The following MYH13 variants were observed in gnomAD, a reference collection of about 807,000 sequenced individuals.
MYH13 encodes the protein myosin-13.
A neutral mutation model predicts 232.1 loss-of-function variants in MYH13; 177 were observed. The ratio of observed to expected loss-of-function variants is 0.76; its 90% CI spans 0.67 to 0.86. MYH13 has a LOEUF of 0.86. MYH13 is among the 40% of genes least tolerant of loss of function. MYH13 has a pLI of 0.00. For synonymous variants in MYH13, 884 were observed against 923.5 expected (o/e 0.96, Z 0.78); for missense variants, 2,246 against 2,405.9 (o/e 0.93, Z 1.39).
chr17:10,324,317 A>G (rs1907117901), intron 22 of MYH13, 53 bp from the exon 23 acceptor site: 4 of 1,603,842 alleles, frequency 2.5e-6, no homozygotes, highest in Non-Finnish European at 3.4e-6. Context: ...AAAATGCTAC[A>G]AAGAAAGGGT....
chr17:10,351,995 G>C (rs1311103053), intron 11 of MYH13, among the ~76,000 whole-genome samples: 1 of 152,130 alleles, frequency 6.6e-6, no homozygotes, highest in Non-Finnish European at 1.5e-5. Context: ...CAGGAGCTGG[G>C]ATATATGGGG....
At position 10,313,248 on chromosome 17, in the gene MYH13, G is replaced by C; in HGVS notation, c.4091C>G (p.Ala1364Gly). ...EQEAKAELQR[A>G]LSKANSEVAQ... ...AACCTCACTGTTGGCCTTGGACAGC[G>C]CCCTCTGCAGCTCGGCCTTGGCTTC... The change falls in exon 30 of 41, where the codon GCG (alanine) becomes GGG (glycine). Residue 1364 changes from alanine to glycine, a missense_variant. By Grantham distance (60) the Ala-to-Gly change is moderately conservative. Transcript: ENST00000252172. 6.2e-7 allele frequency: 1 copy of C among 1,614,208 alleles called. No homozygotes were observed. Among genetic ancestry groups the C allele is most frequent in the Non-Finnish European group, 8.5e-7 (1 of 1,180,046 alleles).
At chr17:10,346,130 G>A (rs2071665198) in intron 13 of MYH13, among the ~76,000 whole-genome samples, 1 of 151,750 alleles carries the variant, frequency 6.6e-6, no homozygotes, top group African/African-American at 2.4e-5. Flanking sequence ...CTTTCTTTGA[G>A]AACTATCCTA....
chr17:10,353,409 G>C (rs955535229), intron 11 of MYH13, among the ~76,000 whole-genome samples: 5 of 152,166 alleles, frequency 3.3e-5, no homozygotes, highest in African/African-American at 9.7e-5. Context: ...TAAGAAGCTG[G>C]TCATGGGGCA....
rs185744993 is a variant in MYH13 at position 10,326,329 on chromosome 17, A to G, written c.2691+1537T>C. 7.5e-3 allele frequency among the ~76,000 whole-genome samples: 1,140 copies of G among 152,352 alleles called. 10 individuals carry two copies. The highest frequency in any genetic ancestry group is 0.014 in the Non-Finnish European group (930 of 68,036). The stretch of plus-strand genomic sequence containing the variant: ...ACTCACTATAGTGATTGGGAAAGTG[A>G]AAAGGGGAGCGGAAAATGCTCTGTA... On this transcript the variant is annotated intron_variant, in intron 22 of 40. Transcript: ENST00000252172.
At chr17:10,327,742 T>TCCACATGA in intron 22 of MYH13, 124 bp downstream of exon 22, 1 of 1,238,836 alleles carries the variant, frequency 8.1e-7, no homozygotes, top group Non-Finnish European at 1.1e-6. Context: ...GCTGCAATAC[T>TCCACATGA]CCACATGACC....
intron 16 of MYH13, among the ~76,000 whole-genome samples, chr17:10,343,348 C>T: frequency 6.6e-6 from 1 of 152,046 alleles, no homozygotes; most frequent in East Asian, 1.9e-4. Context: ...CAGGTATGTG[C>T]CACCACACTC....
At chr17:10,309,176 C>G in intron 35 of MYH13, 58 bp downstream of exon 35, 7 of 1,545,110 alleles carry the variant, frequency 4.5e-6, no homozygotes, top group Non-Finnish European at 6.1e-6. Flanking sequence ...CTGCACGGTG[C>G]AGGAGGCGCT....
chr17:10,344,249 T>C lies in MYH13; in HGVS notation c.1585-140A>G, dbSNP rs1237490374. The stretch of plus-strand genomic sequence containing the variant: ...GTACGCTCGGTGAGAGCAAGACTCT[T>C]GGTCTGTTTGGGGGATGACCAGAAA... On this transcript the variant is annotated intron_variant, in intron 15 of 40. Coordinates refer to ENST00000252172, the MANE Select transcript of MYH13 (RefSeq NM_003802.3). 3.1e-6 allele frequency: 4 copies of C among 1,298,730 alleles called. No individual in the cohort carries two copies. The African/African-American group carries it at 6.0e-5, about 19-fold the overall frequency. 80.5% of individuals were successfully genotyped at this position (1,298,730 alleles called of 1,614,324 possible).
intron 20 of MYH13, among the ~76,000 whole-genome samples, chr17:10,330,755 T>A (rs948275663): frequency 6.6e-5 from 10 of 151,964 alleles, no homozygotes; most frequent in African/African-American, 2.2e-4. Flanking sequence ...TGGTGGCTCA[T>A]GCCTGTAATC....
chr17:10,343,761 A>G, intron 16 of MYH13, 39 bp downstream of exon 16: 1 of 1,537,470 alleles, frequency 6.5e-7, no homozygotes, highest in South Asian at 1.3e-5. Flanking sequence ...GTCATTACAT[A>G]GAACGTCCCA....
At chr17:10,307,095 G>A (rs1251191875) in intron 35 of MYH13, 31 bp from the exon 36 acceptor site, 2 of 1,609,888 alleles carry the variant, frequency 1.2e-6, no homozygotes, top group East Asian at 4.5e-5. Context: ...CAGGGGTGTG[G>A]GTTCTATTGG....
Position 10,306,512 on chromosome 17 carries a change from C to G in MYH13, c.5413G>C (p.Glu1805Gln). 1.2e-6 allele frequency: 2 copies of G among 1,614,110 alleles called. No homozygotes were observed. Among genetic ancestry groups the G allele is most frequent in the Non-Finnish European group, 1.7e-6 (2 of 1,180,022 alleles). ...KDLQHRLDEA[E>Q]QLALKGGKKQ... Reference sequence around the variant, plus strand: ...TTCCCGCCCTTCAGCGCCAGTTGTTCAGCCTCATCTAGACGGTGCTGCAGG... The same window carrying G: ...TTCCCGCCCTTCAGCGCCAGTTGTTGAGCCTCATCTAGACGGTGCTGCAGG... Residue 1805 changes from glutamate to glutamine, a missense_variant, in exon 37 of 41, where the codon GAA (glutamate) becomes CAA (glutamine). Transcript: ENST00000252172. The surrounding 1 kb of genome is among the most constrained non-coding windows in gnomAD (Gnocchi z 4.3).
rs541798185 is a variant in MYH13, at chr17:10,312,846, G to A, written c.4182-89C>T. 2,514 of 1,392,648 alleles carry A rather than the reference G, an allele frequency of 1.8e-3. 3 individuals are homozygous for A. Among genetic ancestry groups the A allele is most frequent in the Non-Finnish European group, 2.3e-3 (2,363 of 1,033,574 alleles). 86.3% of individuals were successfully genotyped at this position (1,392,648 alleles called of 1,614,324 possible). Reference sequence around the variant, plus strand: ...AGATGGGAAGAGAAATGAATAGCGTGGAAGGGACTGGTGTTTGATGAGACC... The same window carrying A: ...AGATGGGAAGAGAAATGAATAGCGTAGAAGGGACTGGTGTTTGATGAGACC... On this transcript the variant is annotated intron_variant, in intron 30 of 40. Coordinates refer to ENST00000252172, the MANE Select transcript of MYH13 (RefSeq NM_003802.3).
Position 10,311,121 on chromosome 17 carries a change from G to T in MYH13, c.4638C>A (p.Val1546=). 6.2e-7 allele frequency: 1 copy of T among 1,613,940 alleles called. No individual in the cohort carries two copies. The highest frequency in any genetic ancestry group is 1.1e-5 in the South Asian group (1 of 91,066). Residue 1546 remains valine, a synonymous_variant, in exon 33 of 41, where the codon GTC becomes GTA. Transcript: ENST00000252172. ...CACTTACCTCCACTTCTTCTAAGGC[G>T]ACCTGCAGATCTGACTTTTCCTGCT... The part of the protein sequence containing the change: ...LVEQEKSDLQ[V]ALEEVEGSLE...
intron 5 of MYH13, among the ~76,000 whole-genome samples, chr17:10,361,756 G>A (rs972751818): frequency 2.0e-5 from 3 of 152,198 alleles, no homozygotes; most frequent in Non-Finnish European, 4.4e-5. Context: ...GGGGAAGAAC[G>A]CAGGAACACT....
intron 35 of MYH13, among the ~76,000 whole-genome samples, chr17:10,308,287 G>A (rs770274135): frequency 2.3e-4 from 33 of 145,762 alleles, no homozygotes; most frequent in Non-Finnish European, 3.4e-4. Flanking sequence ...TCGCACCACT[G>A]CACTCCAGCC....
Position 10,315,678 on chromosome 17 carries a change from ACT to A in MYH13, c.3984+13_3984+14del, listed in dbSNP as rs1906678265. 6.2e-7 allele frequency: 1 copy of A among 1,609,710 alleles called. No individual in the cohort carries two copies. Among genetic ancestry groups the A allele is most frequent in the Non-Finnish European group, 8.5e-7 (1 of 1,177,226 alleles). ...AGCCTGGCTTCTCAGGTTCAATCTG[ACT>A]CTATATCTTTACCTTGGTTTCTTCT... On this transcript the variant is annotated intron_variant, in intron 29 of 40. Transcript: ENST00000252172.
intron 21 of MYH13, among the ~76,000 whole-genome samples, chr17:10,328,996 T>G (rs919261750): frequency 6.6e-6 from 1 of 152,110 alleles, no homozygotes; most frequent in African/African-American, 2.4e-5. Flanking sequence ...TAATTTCTGC[T>G]GCTGTTTTCA....
Sources: allele counts gnomAD v4.1 joint callset (sites outside exome capture counted in the v4.1 genomes callset), GRCh38; gene constraint gnomAD v4.1.1; non-coding constraint Gnocchi (gnomAD v3.1); transcripts MANE v1.5; gene names NCBI Gene and HGNC (gene_info 2026-07-23, HGNC 2026-07-21).